Variants in GRIN2A observed in about 807,000 individuals in gnomAD.
GRIN2A encodes glutamate receptor ionotropic, NMDA 2A.
GRIN2A carries 22 observed loss-of-function variants against 113.4 expected under a neutral mutation model. The ratio of observed to expected loss-of-function variants is 0.19; its 90% CI spans 0.14 to 0.28. The LOEUF is 0.28. GRIN2A is among the 10% of genes least tolerant of loss of function. The probability of loss-of-function intolerance (pLI) is 1.00; values close to 1 mark genes in which losing one functional copy is unlikely to be tolerated. For missense variants in GRIN2A, 1,502 were observed against 1,887.0 expected (o/e 0.80, Z 3.78); for synonymous variants, 827 against 738.4 (o/e 1.12, Z -1.94).
At chr16:9,966,772 G>A (rs892038953) in intron 2 of GRIN2A, among the ~76,000 whole-genome samples, 2 of 152,068 alleles carry the variant, frequency 1.3e-5, no homozygotes, top group Admixed American at 6.5e-5. Context: ...CACCCAAAAG[G>A]CTTGTTAAAA....
intron 3 of GRIN2A, among the ~76,000 whole-genome samples, chr16:9,920,619 T>G (rs2044341026): frequency 6.6e-6 from 1 of 150,570 alleles, no homozygotes; most frequent in Admixed American, 6.7e-5. Context: ...CAAGCTGGAG[T>G]GCAGTGACAA....
intron 10 of GRIN2A, among the ~76,000 whole-genome samples, chr16:9,803,263 T>C (rs1421325148): frequency 6.6e-6 from 1 of 151,924 alleles, no homozygotes; most frequent in East Asian, 1.9e-4. Flanking sequence ...AAAAAATAGC[T>C]GGGCATGGTG....
chr16:10,141,387 C>G (rs1381919699), intron 2 of GRIN2A, among the ~76,000 whole-genome samples: 1 of 152,108 alleles, frequency 6.6e-6, no homozygotes, highest in Non-Finnish European at 1.5e-5. Flanking sequence ...ACTCAGGAGG[C>G]TAAGGCAAAA....
chr16:9,870,073 C>T (rs186164426), intron 4 of GRIN2A, among the ~76,000 whole-genome samples: 141 of 152,254 alleles, frequency 9.3e-4, no homozygotes, highest in Non-Finnish European at 1.3e-3. Context: ...TTTTCACTTA[C>T]GGCTCTCTAT....
chr16:9,804,108 G>A (rs1221055089), intron 10 of GRIN2A, among the ~76,000 whole-genome samples: 1 of 152,176 alleles, frequency 6.6e-6, no homozygotes, highest in Non-Finnish European at 1.5e-5. Context: ...AAGACATGTA[G>A]GTATAGGTGG....
chr16:9,894,286 G>C (rs987336125), intron 3 of GRIN2A, among the ~76,000 whole-genome samples: 3 of 152,196 alleles, frequency 2.0e-5, no homozygotes, highest in African/African-American at 7.2e-5. Context: ...GAAGGGTTTG[G>C]ATTTGTTCAG....
At chr16:9,982,899 A>G (rs2045916778) in intron 2 of GRIN2A, among the ~76,000 whole-genome samples, 1 of 152,204 alleles carries the variant, frequency 6.6e-6, no homozygotes, top group Admixed American at 6.5e-5. Context: ...CTCTAAGTGG[A>G]GGAGTACTTA....
chr16:9,816,134 T>A (rs1172443766), intron 10 of GRIN2A, among the ~76,000 whole-genome samples: 1 of 152,152 alleles, frequency 6.6e-6, no homozygotes, highest in Non-Finnish European at 1.5e-5. Flanking sequence ...TTTTGTTTAG[T>A]GGATAGAGAG....
intron 4 of GRIN2A, among the ~76,000 whole-genome samples, chr16:9,883,736 G>T (rs1420436340): frequency 6.6e-6 from 1 of 152,218 alleles, no homozygotes; most frequent in African/African-American, 2.4e-5. Context: ...GGTGCTGTAG[G>T]CAAGTCTGGA....
chr16:10,133,709 A>G (rs1018411930), intron 2 of GRIN2A, among the ~76,000 whole-genome samples: 5 of 152,216 alleles, frequency 3.3e-5, no homozygotes, highest in African/African-American at 1.2e-4. Context: ...GAATCTGAGC[A>G]TGATCCCTCC....
intron 2 of GRIN2A, among the ~76,000 whole-genome samples, chr16:10,074,661 C>T: frequency 6.6e-6 from 1 of 152,172 alleles, no homozygotes; most frequent in East Asian, 1.9e-4. Context: ...ATTCCATTTA[C>T]ATGAAATTTC....
intron 2 of GRIN2A, among the ~76,000 whole-genome samples, chr16:10,056,745 G>A (rs964117198): frequency 6.6e-6 from 1 of 152,166 alleles, no homozygotes; most frequent in Admixed American, 6.5e-5. Context: ...AACGCCAAGG[G>A]TTGATGGCAA....
intron 2 of GRIN2A, among the ~76,000 whole-genome samples, chr16:10,174,609 ATTAT>A (rs2050107627): frequency 6.6e-6 from 1 of 152,178 alleles, no homozygotes; most frequent in Non-Finnish European, 1.5e-5. Context: ...AGAGTTTTTC[ATTAT>A]TTATAACACA....
At chr16:9,923,801 T>A (rs921415671) in intron 3 of GRIN2A, among the ~76,000 whole-genome samples, 1 of 152,142 alleles carries the variant, frequency 6.6e-6, no homozygotes, top group Non-Finnish European at 1.5e-5. Flanking sequence ...TTAAAAGTAA[T>A]TTATCTTTTA....
In GRIN2A at chr16:9,939,666, C is replaced by G. The variant is rs566787631; in HGVS notation, c.415-1115G>C. ...CTGGCAGGGAAAACGAGGCTCAAAA[C>G]AGTCACAGAGCAAGTAGACATCTGT... On this transcript the variant is annotated intron_variant, in intron 2 of 12. Transcript: ENST00000330684. Among the ~76,000 whole-genome samples the G allele has an allele frequency of 2.4e-4, 37 of 152,292 alleles. No homozygotes were observed. The South Asian group carries it at 7.7e-3, about 32-fold the overall frequency.
chr16:9,962,305 C>T (rs1171718485), intron 2 of GRIN2A, among the ~76,000 whole-genome samples: 6 of 151,976 alleles, frequency 3.9e-5, no homozygotes, highest in Admixed American at 6.6e-5. Context: ...CAAAAGAAAC[C>T]ACCATCAGAG....
chr16:10,150,417 C>T (rs891041519), intron 2 of GRIN2A, among the ~76,000 whole-genome samples: 2 of 152,116 alleles, frequency 1.3e-5, no homozygotes, highest in South Asian at 2.1e-4. Context: ...ACCTTCTTGA[C>T]CTGGTATCTC....
intron 2 of GRIN2A, among the ~76,000 whole-genome samples, chr16:10,067,143 C>T (rs2047665418): frequency 6.6e-6 from 1 of 152,184 alleles, no homozygotes; most frequent in Non-Finnish European, 1.5e-5. Context: ...CTTTTCTGTT[C>T]TATTCTCTTT....
At chr16:10,140,359 G>T (rs9941238) in intron 2 of GRIN2A, among the ~76,000 whole-genome samples, 1 of 152,036 alleles carries the variant, frequency 6.6e-6, no homozygotes. Context: ...AAGAATTCAG[G>T]CCCAAATCTC....
Sources: gnomAD v4.1 joint callset for allele counts (sites outside exome capture counted in the v4.1 genomes callset) on GRCh38, gnomAD v4.1.1 for gene constraint, MANE v1.5 for transcripts, NCBI Gene and HGNC (gene_info 2026-07-23, HGNC 2026-07-21) for gene names.